PCGF5: variants seen among roughly 807,000 people sequenced by gnomAD.
PCGF5 encodes polycomb group RING finger protein 5.
In PCGF5, 9 loss-of-function variants were observed where a neutral mutation model predicts 44.3. The ratio of observed to expected loss-of-function variants is 0.20; its 90% CI spans 0.12 to 0.35. The LOEUF is 0.35. Among genes scored for constraint, PCGF5 ranks in the 10% least tolerant of loss-of-function variants. PCGF5 has a pLI of 1.00. For missense variants in PCGF5, 146 were observed against 305.3 expected (o/e 0.48, Z 3.89); for synonymous variants, 95 against 102.5 (o/e 0.93, Z 0.44).
intron 2 of PCGF5, among the ~76,000 whole-genome samples, chr10:91,229,405 G>C (rs1844939629): frequency 6.6e-6 from 1 of 152,118 alleles, no homozygotes; most frequent in African/African-American, 2.4e-5. Flanking sequence ...TAAAATAATA[G>C]GAAGGATCAA....
At chr10:91,232,060 G>A (rs1346128890) in intron 2 of PCGF5, among the ~76,000 whole-genome samples, 1 of 152,202 alleles carries the variant, frequency 6.6e-6, no homozygotes, top group Admixed American at 6.5e-5. Flanking sequence ...ACTGAGCCCT[G>A]AGGTACCACT....
intron 1 of PCGF5, among the ~76,000 whole-genome samples, chr10:91,185,232 G>A (rs1484343609): frequency 6.6e-6 from 1 of 152,186 alleles, no homozygotes; most frequent in African/African-American, 2.4e-5. Flanking sequence ...GCCTGGGTTG[G>A]GAGGTCCCAC....
intron 1 of PCGF5, among the ~76,000 whole-genome samples, chr10:91,168,275 G>A (rs1390522258): frequency 6.6e-6 from 1 of 152,126 alleles, no homozygotes; most frequent in Non-Finnish European, 1.5e-5. Flanking sequence ...GGAGATAGGA[G>A]GAGGTAGACA....
chr10:91,223,115 T>C, intron 2 of PCGF5, 132 bp downstream of exon 2: 1 of 659,810 alleles, frequency 1.5e-6, no homozygotes, highest in Non-Finnish European at 2.6e-6. Context: ...TATTTTAACT[T>C]TGAATTTTCA....
At chr10:91,271,559 A>T in intron 8 of PCGF5, 79 bp from the exon 9 acceptor site, 1 of 1,161,436 alleles carries the variant, frequency 8.6e-7, no homozygotes, top group Non-Finnish European at 1.3e-6. Flanking sequence ...GTTTGACGTT[A>T]AACTATTTTA....
chr10:91,276,398 C>T (rs949282598), intron 9 of PCGF5, among the ~76,000 whole-genome samples: 7 of 152,090 alleles, frequency 4.6e-5, no homozygotes, highest in African/African-American at 1.2e-4. Flanking sequence ...GAAACTGAAA[C>T]GCAGGTCTAT....
intron 9 of PCGF5, among the ~76,000 whole-genome samples, chr10:91,275,607 A>ATTTTTTTT (rs72439811): frequency 1.6e-5 from 2 of 128,890 alleles, no homozygotes; most frequent in African/African-American, 3.1e-5. Context: ...TGCCCGGCTA[A>ATTTTTTTT]TTTTTTTTTT....
At chr10:91,175,000 C>CTT (rs778901682) in intron 1 of PCGF5, among the ~76,000 whole-genome samples, 4 of 152,196 alleles carry the variant, frequency 2.6e-5, no homozygotes, top group Non-Finnish European at 4.4e-5. Flanking sequence ...ACCTAAGTGC[C>CTT]TTTAACTGAG....
intron 7 of PCGF5, among the ~76,000 whole-genome samples, chr10:91,263,300 A>G (rs144443468): frequency 9.1e-4 from 136 of 148,708 alleles, no homozygotes; most frequent in African/African-American, 3.5e-3. Flanking sequence ...CTTATGAATT[A>G]ATTTACAAAA....
At chr10:91,200,468 G>T (rs916348974) in intron 1 of PCGF5, among the ~76,000 whole-genome samples, 1 of 152,210 alleles carries the variant, frequency 6.6e-6, no homozygotes, top group African/African-American at 2.4e-5. Context: ...AAGAAGAAGA[G>T]AAGATTTTAT....
intron 1 of PCGF5, among the ~76,000 whole-genome samples, chr10:91,214,192 C>T (rs1317176701): frequency 6.6e-6 from 1 of 151,910 alleles, no homozygotes; most frequent in East Asian, 1.9e-4. Context: ...GTCCCAGCTA[C>T]TCTGGAGGTT....
upstream of PCGF5, among the ~76,000 whole-genome samples, chr10:91,160,845 G>T (rs934952338): frequency 1.3e-5 from 2 of 152,204 alleles, no homozygotes; most frequent in African/African-American, 2.4e-5. Flanking sequence ...GCTGCACTGC[G>T]GAATCCGGCC....
chr10:91,250,722 C>T (rs1219013288), intron 5 of PCGF5, among the ~76,000 whole-genome samples: 1 of 151,418 alleles, frequency 6.6e-6, no homozygotes, highest in Non-Finnish European at 1.5e-5. Context: ...ATAAAGTATG[C>T]CATTGAGATA....
chr10:91,180,001 C>T (rs1285827938), intron 1 of PCGF5, among the ~76,000 whole-genome samples: 1 of 152,122 alleles, frequency 6.6e-6, no homozygotes, highest in African/African-American at 2.4e-5. Context: ...CACAAACTCA[C>T]CAGCACCTAT....
At chr10:91,204,937 C>T (rs1186746607) in intron 1 of PCGF5, among the ~76,000 whole-genome samples, 1 of 152,030 alleles carries the variant, frequency 6.6e-6, no homozygotes, top group Non-Finnish European at 1.5e-5. Flanking sequence ...AATAATGTTT[C>T]TTAAAATTTG....
At chr10:91,232,678 A>G (rs902720891) in intron 2 of PCGF5, among the ~76,000 whole-genome samples, 1 of 152,224 alleles carries the variant, frequency 6.6e-6, no homozygotes, top group African/African-American at 2.4e-5. Context: ...GAAATAGGCA[A>G]GAACACAAAG....
intron 1 of PCGF5, among the ~76,000 whole-genome samples, chr10:91,164,903 C>G (rs961462552): frequency 6.6e-6 from 1 of 152,196 alleles, no homozygotes; most frequent in African/African-American, 2.4e-5. Context: ...TTAGTCTGAT[C>G]TCTTCTTACT....
chr10:91,235,922 C>T (rs1014952680), intron 2 of PCGF5, among the ~76,000 whole-genome samples: 5 of 151,962 alleles, frequency 3.3e-5, no homozygotes, highest in Non-Finnish European at 5.9e-5. Context: ...TTATCAGCAG[C>T]GTGAAAACAG....
the PCGF5 span, among the ~76,000 whole-genome samples, chr10:91,157,087 T>C: frequency 6.6e-6 from 1 of 152,254 alleles, no homozygotes; most frequent in African/African-American, 2.4e-5. Flanking sequence ...ATCCATGTTA[T>C]AGGGTTGATG....
Sources: gnomAD v4.1 joint callset for allele counts (sites outside exome capture counted in the v4.1 genomes callset) on GRCh38, gnomAD v4.1.1 for gene constraint, MANE v1.5 for transcripts, NCBI Gene and HGNC (gene_info 2026-07-23, HGNC 2026-07-21) for gene names.